Variants in PTPRG observed in about 807,000 individuals in gnomAD.
PTPRG encodes protein tyrosine phosphatase receptor type G.
In PTPRG, 102 loss-of-function variants were observed where a neutral mutation model predicts 165.3. The observed-to-expected ratio is 0.62, with a 90% confidence interval of 0.53 to 0.73. PTPRG has a LOEUF of 0.73. Among genes scored for constraint, PTPRG ranks in the 30% least tolerant of loss-of-function variants. The pLI, the probability that PTPRG is intolerant of heterozygous loss-of-function variation, is 0.00. For missense variants in PTPRG, 1,866 were observed against 1,861.4 expected (o/e 1.00, Z -0.05); for synonymous variants, 675 against 669.5 (o/e 1.01, Z -0.13).
At chr3:62,124,212 A>C in intron 5 of PTPRG, 1 of 962,476 alleles carries the variant, frequency 1.0e-6, no homozygotes. Flanking sequence ...ATTCAGCCAC[A>C]CAGTGCTTTC....
At chr3:61,960,257 G>A (rs945076916) in intron 2 of PTPRG, among the ~76,000 whole-genome samples, 11 of 151,878 alleles carry the variant, frequency 7.2e-5, no homozygotes, top group East Asian at 3.9e-4. Flanking sequence ...TAGGAGCCCC[G>A]TAAATGTCTC....
At chr3:61,581,619 T>C (rs1296714031) in intron 1 of PTPRG, among the ~76,000 whole-genome samples, 2 of 150,964 alleles carry the variant, frequency 1.3e-5, no homozygotes, top group Non-Finnish European at 3.0e-5. Context: ...CTTTTTTTTT[T>C]TTTTTTTTAT....
intron 2 of PTPRG, among the ~76,000 whole-genome samples, chr3:61,828,171 GTTTA>G (rs754167966): frequency 7.1e-4 from 108 of 152,172 alleles, no homozygotes; most frequent in Non-Finnish European, 1.3e-3. Context: ...ACATTACATA[GTTTA>G]TTTATTCTAA....
rs1234142622 is a variant in PTPRG, at chr3:62,222,226, A to G, written c.2288+3243A>G. 6.6e-6 allele frequency among the ~76,000 whole-genome samples: 1 copy of G among 152,226 alleles called. No homozygotes were observed. Among genetic ancestry groups the G allele is most frequent in the East Asian group, 1.9e-4 (1 of 5,202 alleles). On this transcript the variant is annotated intron_variant, in intron 13 of 29. Coordinates refer to ENST00000474889, the MANE Select transcript of PTPRG (RefSeq NM_002841.4). This position sits in a 1 kb window ranked among gnomAD's most constrained non-coding sequence, Gnocchi z 4.5. ...AAGGGGAAAAAAAAAAGTTTGATTC[A>G]TGGAATTGAGAAGTTCAGGAGCATT...
chr3:61,606,319 C>T (rs778779480), intron 1 of PTPRG, among the ~76,000 whole-genome samples: 8 of 152,184 alleles, frequency 5.3e-5, no homozygotes, highest in Non-Finnish European at 1.0e-4. Flanking sequence ...ATGTTTGCTT[C>T]TCCAAGGCCA....
chr3:62,135,403 C>G (rs888803444), intron 6 of PTPRG, among the ~76,000 whole-genome samples: 1 of 152,150 alleles, frequency 6.6e-6, no homozygotes, highest in African/African-American at 2.4e-5. Flanking sequence ...CCTTCACAGT[C>G]TCTGGCTTGG....
chr3:62,003,744 G>C (rs942121274), intron 4 of PTPRG, among the ~76,000 whole-genome samples: 2 of 152,162 alleles, frequency 1.3e-5, no homozygotes, highest in African/African-American at 4.8e-5. Context: ...GGTTGATGAT[G>C]TTCATCATGT....
intron 1 of PTPRG, among the ~76,000 whole-genome samples, chr3:61,652,219 A>G (rs753355251): frequency 8.5e-5 from 13 of 152,050 alleles, no homozygotes; most frequent in Non-Finnish European, 1.8e-4. Flanking sequence ...GAGGCAGAGA[A>G]TTGCTTGAAC....
At chr3:61,704,387 A>G (rs1231905199) in intron 1 of PTPRG, among the ~76,000 whole-genome samples, 2 of 152,140 alleles carry the variant, frequency 1.3e-5, no homozygotes, top group Non-Finnish European at 1.5e-5. Context: ...AAGCATTTGT[A>G]AAATGGGGAG....
intron 1 of PTPRG, among the ~76,000 whole-genome samples, chr3:61,696,281 C>T (rs531478998): frequency 2.3e-4 from 35 of 152,240 alleles, no homozygotes; most frequent in African/African-American, 8.2e-4. Context: ...GTGCGTGGTT[C>T]GCCTGAGGCC....
chr3:61,898,754 T>TA (rs1186530590), intron 2 of PTPRG, among the ~76,000 whole-genome samples: 2 of 152,148 alleles, frequency 1.3e-5, no homozygotes, highest in Non-Finnish European at 2.9e-5. Context: ...TTGAAGTGAA[T>TA]AAATAAAGAA....
chr3:61,865,769 T>C (rs543052911), intron 2 of PTPRG, among the ~76,000 whole-genome samples: 1 of 152,258 alleles, frequency 6.6e-6, no homozygotes, highest in African/African-American at 2.4e-5. Flanking sequence ...CTCTAGAAAA[T>C]GTATTTCCTC....
intron 2 of PTPRG, among the ~76,000 whole-genome samples, chr3:61,911,560 T>C (rs1213337723): frequency 1.3e-5 from 2 of 152,200 alleles, no homozygotes; most frequent in Non-Finnish European, 2.9e-5. Flanking sequence ...TGTCTACAAG[T>C]GTATTTTTAA....
At chr3:61,995,968 T>G (rs529831242) in intron 3 of PTPRG, among the ~76,000 whole-genome samples, 2 of 152,252 alleles carry the variant, frequency 1.3e-5, no homozygotes, top group East Asian at 3.9e-4. Flanking sequence ...TGTGTCTTCT[T>G]GCATTTGCCT....
intron 1 of PTPRG, among the ~76,000 whole-genome samples, chr3:61,582,519 A>G (rs142370940): frequency 6.6e-6 from 1 of 152,218 alleles, no homozygotes; most frequent in East Asian, 1.9e-4. Context: ...GCCAGGACGT[A>G]GCCTGATAGG....
chr3:61,994,611 A>G (rs1272614114), intron 3 of PTPRG, among the ~76,000 whole-genome samples: 2 of 152,252 alleles, frequency 1.3e-5, no homozygotes, highest in Non-Finnish European at 2.9e-5. Context: ...AAGTAAGGCA[A>G]GTAGTAGGAC....
At chr3:61,574,632 G>A (rs1191874927) in intron 1 of PTPRG, among the ~76,000 whole-genome samples, 1 of 152,212 alleles carries the variant, frequency 6.6e-6, no homozygotes, top group Non-Finnish European at 1.5e-5. Context: ...AGGTTTGCAT[G>A]CTAGAGGTCT....
chr3:62,031,702 A>G (rs1329227623), intron 4 of PTPRG, among the ~76,000 whole-genome samples: 2 of 152,094 alleles, frequency 1.3e-5, no homozygotes, highest in African/African-American at 4.8e-5. Context: ...TCTAGATCTG[A>G]TTGGAGGCAG....
chr3:61,763,358 CTCCCA>C (rs2106979052), intron 2 of PTPRG, among the ~76,000 whole-genome samples: 2 of 152,160 alleles, frequency 1.3e-5, no homozygotes, highest in South Asian at 4.1e-4. Context: ...CTGCCTCAGC[CTCCCA>C]AGTAGCTGGG....
Sources: gnomAD v4.1 joint callset for allele counts (sites outside exome capture counted in the v4.1 genomes callset) on GRCh38, gnomAD v4.1.1 for gene constraint, Gnocchi (gnomAD v3.1) non-coding constraint, MANE v1.5 for transcripts, NCBI Gene and HGNC (gene_info 2026-07-23, HGNC 2026-07-21) for gene names.